The following SRD5A2 variants were observed in gnomAD, a reference collection of about 807,000 sequenced individuals.
SRD5A2 encodes the protein steroid 5 alpha-reductase 2.
Under a neutral mutation model 27.4 loss-of-function variants are expected in SRD5A2, and 30 were observed. The ratio of observed to expected loss-of-function variants is 1.10; its 90% CI spans 0.82 to 1.49. The LOEUF is 1.49. Among genes scored for constraint, SRD5A2 ranks in the 40% most tolerant of loss-of-function variants. The probability of loss-of-function intolerance (pLI) is 0.00; values close to 1 mark genes in which losing one functional copy is unlikely to be tolerated. For missense variants in SRD5A2, 348 were observed against 323.4 expected, an observed-to-expected ratio of 1.08 and a Z score of -0.58; for synonymous variants, 141 against 133.6, an observed-to-expected ratio of 1.06 and a Z score of -0.38.
chr2:31,632,679 T>C, the SRD5A2 span, among the ~76,000 whole-genome samples: 7 of 152,254 alleles, frequency 4.6e-5, no homozygotes, highest in East Asian at 1.4e-3. Flanking sequence ...TGAGGGGTCC[T>C]AGGACACGCA....
the SRD5A2 span, among the ~76,000 whole-genome samples, chr2:31,654,521 G>A: frequency 2.6e-4 from 39 of 152,232 alleles, 1 homozygote; most frequent in South Asian, 5.6e-3. Context: ...TGAATTTTAC[G>A]GGCTTGAGTA....
the SRD5A2 span, among the ~76,000 whole-genome samples, chr2:31,607,639 T>A: frequency 1.3e-5 from 2 of 152,084 alleles, no homozygotes; most frequent in African/African-American, 4.8e-5. Context: ...AAAGTTCTTC[T>A]GGCTAAAAGG....
intron 3 of SRD5A2, among the ~76,000 whole-genome samples, chr2:31,530,896 G>C (rs947511538): frequency 2.0e-5 from 3 of 152,122 alleles, no homozygotes; most frequent in African/African-American, 4.8e-5. Context: ...AGTAAATATA[G>C]TTCTCTACAC....
At chr2:31,638,081 G>A in the SRD5A2 span, among the ~76,000 whole-genome samples, 2 of 151,902 alleles carry the variant, frequency 1.3e-5, no homozygotes, top group East Asian at 1.9e-4. Context: ...AAACTTCCCT[G>A]TTAGTACTGC....
At chr2:31,554,636 G>A (rs1367259853) in intron 1 of SRD5A2, among the ~76,000 whole-genome samples, 2 of 152,166 alleles carry the variant, frequency 1.3e-5, no homozygotes, top group African/African-American at 4.8e-5. Flanking sequence ...AGGTGACTTT[G>A]GCTCATCCCT....
intron 1 of SRD5A2, among the ~76,000 whole-genome samples, chr2:31,561,426 A>G (rs1666620970): frequency 6.6e-6 from 1 of 152,118 alleles, no homozygotes; most frequent in South Asian, 2.1e-4. Context: ...GCCACATCCC[A>G]TTGTCAACCC....
chr2:31,626,084 G>A, the SRD5A2 span, among the ~76,000 whole-genome samples: 33 of 152,264 alleles, frequency 2.2e-4, no homozygotes, highest in Non-Finnish European at 4.6e-4. Flanking sequence ...CACATCCCTT[G>A]TAAGTTGGAT....
At chr2:31,530,844 T>C (rs1201623364) in intron 3 of SRD5A2, among the ~76,000 whole-genome samples, 3 of 152,182 alleles carry the variant, frequency 2.0e-5, no homozygotes, top group Non-Finnish European at 4.4e-5. Context: ...TCTCCAAAAA[T>C]GCACTTGTGC....
the SRD5A2 span, among the ~76,000 whole-genome samples, chr2:31,592,494 C>A: frequency 1.3e-5 from 2 of 152,232 alleles, no homozygotes; most frequent in Non-Finnish European, 2.9e-5. Flanking sequence ...GCATTCACAG[C>A]TGAGAGACCT....
chr2:31,551,004 G>C (rs1558365263), intron 1 of SRD5A2, among the ~76,000 whole-genome samples: 1 of 151,876 alleles, frequency 6.6e-6, no homozygotes, highest in Non-Finnish European at 1.5e-5. Context: ...ACTTCTAATA[G>C]ATTATTTCAG....
At chr2:31,554,973 G>A (rs866522699) in intron 1 of SRD5A2, among the ~76,000 whole-genome samples, 38 of 147,298 alleles carry the variant, frequency 2.6e-4, no homozygotes, top group Middle Eastern at 7.1e-3. Context: ...GTGTGTATGT[G>A]TGTGTGTGTG....
chr2:31,620,260 AC>A, the SRD5A2 span, among the ~76,000 whole-genome samples: 1 of 152,110 alleles, frequency 6.6e-6, no homozygotes, highest in Non-Finnish European at 1.5e-5. Context: ...GGAAGCATTT[AC>A]CTTGAAAACT....
chr2:31,655,979 G>A, the SRD5A2 span, among the ~76,000 whole-genome samples: 2 of 152,324 alleles, frequency 1.3e-5, no homozygotes, highest in East Asian at 1.9e-4. Flanking sequence ...CTGACGCTGA[G>A]AGAGGAAGGT....
At chr2:31,589,849 G>T in the SRD5A2 span, among the ~76,000 whole-genome samples, 18 of 152,264 alleles carry the variant, frequency 1.2e-4, no homozygotes, top group East Asian at 3.3e-3. Flanking sequence ...CTTTCTCAGT[G>T]GGAAGGATTG....
At chr2:31,533,231 C>T (rs1031530104) in intron 2 of SRD5A2, among the ~76,000 whole-genome samples, 6 of 152,078 alleles carry the variant, frequency 3.9e-5, no homozygotes, top group South Asian at 2.1e-4. Flanking sequence ...GCTGGACAAG[C>T]TTGACAGCTT....
intron 1 of SRD5A2, among the ~76,000 whole-genome samples, chr2:31,550,319 A>G (rs901642005): frequency 6.6e-6 from 1 of 151,950 alleles, no homozygotes; most frequent in Non-Finnish European, 1.5e-5. Flanking sequence ...TAAGTAATTA[A>G]TACCAATTCT....
rs755966844 is a variant in SRD5A2 at position 31,526,115 on chromosome 2, T to A, written c.*81A>T. 37 of 842,844 alleles carry A rather than the reference T, an allele frequency of 4.4e-5. No individual in the cohort carries two copies. The highest frequency in any genetic ancestry group is 6.3e-5 in the Non-Finnish European group (34 of 538,114). 52.2% of individuals were successfully genotyped at this position (842,844 alleles called of 1,614,324 possible). A position where few individuals can be genotyped will look rare whatever the true frequency, so the allele number is the denominator to read the frequency against. On this transcript the variant is annotated 3_prime_UTR_variant, in exon 5 of 5. Transcript: ENST00000622030. ...CTATTACATATATACGGGACTATTATATCATGAAAATTACAGTTTCAGCAG... is the reference window on the plus strand; with the variant it reads ...CTATTACATATATACGGGACTATTAAATCATGAAAATTACAGTTTCAGCAG...
the SRD5A2 span, among the ~76,000 whole-genome samples, chr2:31,616,737 C>A: frequency 6.6e-6 from 1 of 152,150 alleles, no homozygotes; most frequent in African/African-American, 2.4e-5. Flanking sequence ...AGACTTTGGA[C>A]TGTGGACTTT....
chr2:31,583,652 C>CAAAAAAA (rs1352139998), upstream of SRD5A2, among the ~76,000 whole-genome samples: 1 of 20,922 alleles, frequency 4.8e-5, no homozygotes, highest in African/African-American at 1.3e-4. Context: ...AAAAAAAAAC[C>CAAAAAAA]AAAAAAAAAG....
Sources: gnomAD v4.1 joint callset for allele counts (sites outside exome capture counted in the v4.1 genomes callset) on GRCh38, gnomAD v4.1.1 for gene constraint, MANE v1.5 for transcripts, NCBI Gene and HGNC (gene_info 2026-07-23, HGNC 2026-07-21) for gene names.